Variants in CPXM2 observed in about 807,000 individuals in gnomAD.
CPXM2 encodes carboxypeptidase X, M14 family member 2.
Under a neutral mutation model 86.1 loss-of-function variants are expected in CPXM2, and 66 were observed. The ratio of observed to expected loss-of-function variants is 0.77; its 90% CI spans 0.63 to 0.94. CPXM2 has a LOEUF of 0.94. Among genes scored for constraint, CPXM2 ranks in the 40% least tolerant of loss-of-function variants. The pLI, the probability that CPXM2 is intolerant of heterozygous loss-of-function variation, is 0.00. For missense variants in CPXM2, 948 were observed against 1,026.3 expected (o/e 0.92, Z 1.04); for synonymous variants, 388 against 400.2 (o/e 0.97, Z 0.36).
At chr10:123,910,374 G>C (rs57945961) in intron 2 of CPXM2, among the ~76,000 whole-genome samples, 10,824 of 151,974 alleles carry the variant, frequency 0.071, 1,121 homozygotes, top group African/African-American at 0.23. Flanking sequence ...ACCTCCACCC[G>C]GACAGAACCC....
chr10:123,836,889 C>G (rs912158250), intron 4 of CPXM2, among the ~76,000 whole-genome samples: 4 of 151,624 alleles, frequency 2.6e-5, no homozygotes, highest in East Asian at 1.9e-4. Flanking sequence ...ATCTTCCCCC[C>G]AGGTGAGGTC....
intron 2 of CPXM2, among the ~76,000 whole-genome samples, chr10:123,938,013 T>C (rs548021787): frequency 6.6e-6 from 1 of 152,180 alleles, no homozygotes; most frequent in African/African-American, 2.4e-5. Context: ...CTCAGAGGCA[T>C]AAATACAGGT....
intron 3 of CPXM2, among the ~76,000 whole-genome samples, chr10:123,843,529 G>T (rs920438277): frequency 1.0e-4 from 15 of 150,420 alleles, no homozygotes; most frequent in African/African-American, 3.7e-4. Context: ...CGCCTCCCGG[G>T]TTCACACCAT....
chr10:123,888,683 C>T (rs900762856), intron 1 of CPXM2, among the ~76,000 whole-genome samples: 1 of 152,214 alleles, frequency 6.6e-6, no homozygotes, highest in African/African-American at 2.4e-5. Context: ...TGGTCCAGGG[C>T]AGAGGATTCT....
intron 2 of CPXM2, among the ~76,000 whole-genome samples, chr10:123,911,652 C>T (rs1345652015): frequency 6.6e-6 from 1 of 151,970 alleles, no homozygotes; most frequent in Non-Finnish European, 1.5e-5. Flanking sequence ...GATGATTCAG[C>T]AAGGTAGAAA....
intron 7 of CPXM2, among the ~76,000 whole-genome samples, chr10:123,771,898 A>G (rs1384557836): frequency 2.0e-5 from 3 of 152,194 alleles, no homozygotes; most frequent in East Asian, 3.8e-4. Context: ...CGCCATTATT[A>G]TAAGTTTCCT....
chr10:123,784,689 G>C (rs890079372), intron 6 of CPXM2, among the ~76,000 whole-genome samples: 3 of 152,202 alleles, frequency 2.0e-5, no homozygotes, highest in African/African-American at 7.2e-5. Flanking sequence ...GGAGACTTAA[G>C]AGCTCACTCC....
intron 2 of CPXM2, among the ~76,000 whole-genome samples, chr10:123,878,692 A>G (rs1945033576): frequency 6.6e-6 from 1 of 152,140 alleles, no homozygotes; most frequent in African/African-American, 2.4e-5. Context: ...GTTTAAAAGC[A>G]CTTAAAAATT....
intron 2 of CPXM2, among the ~76,000 whole-genome samples, chr10:123,915,061 C>T (rs1037228056): frequency 3.9e-5 from 6 of 152,196 alleles, no homozygotes; most frequent in African/African-American, 1.4e-4. Flanking sequence ...TCCCGCGGCT[C>T]CTCTGATGCC....
intron 4 of CPXM2, among the ~76,000 whole-genome samples, chr10:123,834,413 T>C (rs917482976): frequency 9.2e-5 from 14 of 151,986 alleles, no homozygotes; most frequent in African/African-American, 2.2e-4. Flanking sequence ...TACAAACAAA[T>C]AGATAGGTGG....
chr10:123,800,809 C>T (rs1445910169), intron 4 of CPXM2, among the ~76,000 whole-genome samples: 2 of 152,108 alleles, frequency 1.3e-5, no homozygotes. Context: ...AATACCAATC[C>T]CCTACTTATG....
intron 12 of CPXM2, among the ~76,000 whole-genome samples, chr10:123,755,136 T>C (rs922287518): frequency 6.6e-6 from 1 of 152,170 alleles, no homozygotes; most frequent in East Asian, 1.9e-4. Flanking sequence ...ACCAGATAGT[T>C]GAGCTGGCAC....
intron 8 of CPXM2, among the ~76,000 whole-genome samples, chr10:123,770,634 T>C (rs1846604877): frequency 6.6e-6 from 1 of 152,262 alleles, no homozygotes; most frequent in African/African-American, 2.4e-5. Context: ...CACTTTCTTC[T>C]TTGGCTATTG....
intron 7 of CPXM2, among the ~76,000 whole-genome samples, chr10:123,775,600 T>C (rs1846766607): frequency 1.3e-5 from 2 of 152,244 alleles, no homozygotes. Flanking sequence ...GCCATCAGAA[T>C]GACCTCCTGA....
At chr10:123,786,812 G>A (rs113318374) in intron 6 of CPXM2, among the ~76,000 whole-genome samples, 5 of 152,246 alleles carry the variant, frequency 3.3e-5, no homozygotes, top group South Asian at 2.1e-4. Flanking sequence ...TCCCTGAGAC[G>A]TCGCCTCCTC....
chr10:123,785,993 C>T (rs1453224791), intron 6 of CPXM2, among the ~76,000 whole-genome samples: 1 of 152,152 alleles, frequency 6.6e-6, no homozygotes, highest in African/African-American at 2.4e-5. Flanking sequence ...CAGATGTCTT[C>T]TAGTTAAAAA....
intron 2 of CPXM2, 110 bp from the exon 3 acceptor site, chr10:123,862,833 C>T (rs1848883623): frequency 1.2e-6 from 1 of 833,744 alleles, no homozygotes; most frequent in Non-Finnish European, 2.0e-6. Flanking sequence ...AACTCCCACC[C>T]ACAGGCATGC....
At chr10:123,863,536 T>C (rs946116610) in intron 2 of CPXM2, among the ~76,000 whole-genome samples, 1 of 152,192 alleles carries the variant, frequency 6.6e-6, no homozygotes, top group Non-Finnish European at 1.5e-5. Context: ...CTTCCAGGCC[T>C]GAAGGACATG....
intron 4 of CPXM2, among the ~76,000 whole-genome samples, chr10:123,810,114 T>C (rs1847660215): frequency 6.6e-6 from 1 of 151,954 alleles, no homozygotes; most frequent in African/African-American, 2.4e-5. Flanking sequence ...AGACAAAATA[T>C]ATTTTAAGAC....
Sources: allele counts gnomAD v4.1 joint callset (sites outside exome capture counted in the v4.1 genomes callset), GRCh38; gene constraint gnomAD v4.1.1; transcripts MANE v1.5; gene names NCBI Gene and HGNC (gene_info 2026-07-23, HGNC 2026-07-21).